Variants in COL4A3 observed in about 807,000 individuals in gnomAD.
COL4A3 encodes the protein collagen type IV alpha 3 chain, also known as collagen alpha-3(IV) chain.
COL4A3 carries 135 observed loss-of-function variants against 217.4 expected under a neutral mutation model. The ratio of observed to expected loss-of-function variants is 0.62; its 90% CI spans 0.54 to 0.72. The LOEUF (loss-of-function observed/expected upper bound fraction) is 0.72. COL4A3 is among the 30% of genes least tolerant of loss of function. The pLI, the probability that COL4A3 is intolerant of heterozygous loss-of-function variation, is 0.00. For synonymous variants in COL4A3, 690 were observed against 736.3 expected, an observed-to-expected ratio of 0.94 and a Z score of 1.02; for missense variants, 1,868 against 2,119.9, an observed-to-expected ratio of 0.88 and a Z score of 2.33.
intron 1 of COL4A3, among the ~76,000 whole-genome samples, chr2:227,214,777 T>C (rs1257811304): frequency 6.6e-6 from 1 of 152,260 alleles, no homozygotes; most frequent in Non-Finnish European, 1.5e-5. Flanking sequence ...TGTGGTCAGC[T>C]GGATATTGTT....
intron 1 of COL4A3, among the ~76,000 whole-genome samples, chr2:227,232,204 C>T (rs181779212): frequency 4.6e-5 from 7 of 152,298 alleles, no homozygotes; most frequent in Admixed American, 3.3e-4. Flanking sequence ...TTTATCCATT[C>T]GTCTGTTGAT....
intron 1 of COL4A3, among the ~76,000 whole-genome samples, chr2:227,183,613 G>C (rs1298451227): frequency 2.0e-5 from 3 of 152,186 alleles, no homozygotes; most frequent in Admixed American, 6.5e-5. Flanking sequence ...AAACCAAGAT[G>C]AGATAGTATG....
chr2:227,256,597 A>G (rs771276053), intron 17 of COL4A3: 5 of 745,682 alleles, frequency 6.7e-6, no homozygotes, highest in Admixed American at 1.7e-5. Flanking sequence ...AAAGGTATTA[A>G]ACTTGTACTG....
intron 3 of COL4A3, among the ~76,000 whole-genome samples, chr2:227,243,392 A>G (rs1396220658): frequency 6.6e-6 from 1 of 152,230 alleles, no homozygotes; most frequent in Non-Finnish European, 1.5e-5. Context: ...TTAATTTTAA[A>G]TGTTTTCTGC....
intron 1 of COL4A3, among the ~76,000 whole-genome samples, chr2:227,214,679 GA>G (rs1172100539): frequency 2.6e-5 from 4 of 152,202 alleles, no homozygotes; most frequent in Non-Finnish European, 5.9e-5. Flanking sequence ...TGTCCATTGT[GA>G]ATTATAGGCA....
intron 1 of COL4A3, among the ~76,000 whole-genome samples, chr2:227,180,729 A>G (rs144429693): frequency 1.3e-5 from 2 of 152,302 alleles, no homozygotes; most frequent in East Asian, 1.9e-4. Context: ...AAACAATACA[A>G]TCGCACATTT....
chr2:227,257,266 T>C (rs1375877917), intron 17 of COL4A3, among the ~76,000 whole-genome samples: 1 of 152,134 alleles, frequency 6.6e-6, no homozygotes, highest in Non-Finnish European at 1.5e-5. Flanking sequence ...TGGAAATGCA[T>C]ACACCCCACA....
intron 1 of COL4A3, among the ~76,000 whole-genome samples, chr2:227,212,154 T>C: frequency 1.4e-5 from 2 of 139,972 alleles, no homozygotes; most frequent in African/African-American, 5.7e-5. Context: ...TCTTTTCTGT[T>C]TTTTTTGTTT....
Position 227,289,133 on chromosome 2 carries a change from C to T in COL4A3, c.2882-17C>T, listed in dbSNP as rs754325864. The T allele has an allele frequency of 2.5e-6, 4 of 1,605,388 alleles. 1 individual carries two copies. Among genetic ancestry groups the T allele is most frequent in the Non-Finnish European group, 3.4e-6 (4 of 1,174,038 alleles). On this transcript the variant is annotated splice_polypyrimidine_tract_variant and intron_variant, in intron 34 of 51. Coordinates refer to ENST00000396578, the MANE Select transcript of COL4A3 (RefSeq NM_000091.5). ...ACCTGGCTAATTTTCTTGTTAATAC[C>T]TGGTTTCTAACTTCAGGATTCGCAG...
At chr2:227,299,559 A>G (rs528172553) in intron 43 of COL4A3, among the ~76,000 whole-genome samples, 1 of 152,316 alleles carries the variant, frequency 6.6e-6, no homozygotes, top group East Asian at 1.9e-4. Flanking sequence ...TTGGGTGGGG[A>G]CACAGCCAAA....
At chr2:227,229,212 C>T (rs2068257339) in intron 1 of COL4A3, among the ~76,000 whole-genome samples, 2 of 152,062 alleles carry the variant, frequency 1.3e-5, no homozygotes, top group African/African-American at 4.8e-5. Context: ...CCCAATTGAT[C>T]CGCACTCCTG....
chr2:227,222,470 C>T (rs56846714), intron 1 of COL4A3: 19,036 of 152,048 alleles, frequency 0.13, 1,380 homozygotes, highest in East Asian at 0.34. Context: ...TTCCTCTCCC[C>T]AACACTGTGA....
At chr2:227,172,948 A>AAACCTAATT (rs1203048583) in intron 1 of COL4A3, among the ~76,000 whole-genome samples, 1 of 152,152 alleles carries the variant, frequency 6.6e-6, no homozygotes, top group Non-Finnish European at 1.5e-5. Context: ...GACCTCATCT[A>AAACCTAATT]AACCTAATTA....
chr2:227,247,992 T>G (rs1322393907), intron 8 of COL4A3, among the ~76,000 whole-genome samples: 1 of 152,158 alleles, frequency 6.6e-6, no homozygotes, highest in Non-Finnish European at 1.5e-5. Flanking sequence ...CAGGCTGGAG[T>G]ACAGTGGCAC....
chr2:227,280,665 T>C, intron 30 of COL4A3, 75 bp downstream of exon 30: 1 of 1,511,016 alleles, frequency 6.6e-7, no homozygotes, highest in Non-Finnish European at 9.2e-7. Flanking sequence ...GTGAAGGTGT[T>C]CTAGGCATGA....
chr2:227,169,243 G>A (rs1466598896), intron 1 of COL4A3: 1 of 151,240 alleles, frequency 6.6e-6, no homozygotes, highest in Non-Finnish European at 1.5e-5. Context: ...TGGCTGCATA[G>A]TATTCCATGG....
intron 1 of COL4A3, among the ~76,000 whole-genome samples, chr2:227,202,746 AATATATATATAT>A (rs56134612): frequency 4.5e-5 from 1 of 22,218 alleles, no homozygotes; most frequent in African/African-American, 1.2e-4. Flanking sequence ...AAAAAAAAAA[AATATATATATAT>A]ATATATATAT....
rs916226337 is a variant in COL4A3, at chr2:227,254,673, A to T, written c.846A>T (p.Ser282=). ...TAATACAGGGACTGCCTGGAGAATC[A>T]TATGGATCTGAAAAGGGTGCTCCTG... ...PPGPSGLPGE[S]YGSEKGAPGD... The change falls in exon 15 of 52, where the codon TCA becomes TCT. Residue 282 remains serine (S), a synonymous_variant. Coordinates refer to ENST00000396578, the MANE Select transcript of COL4A3 (RefSeq NM_000091.5). The T allele has an allele frequency of 1.2e-6, 2 of 1,613,240 alleles. No homozygotes were observed. The highest frequency in any genetic ancestry group is 3.3e-5 in the Admixed American group (2 of 60,020).
chr2:227,193,385 G>A (rs1196718299), intron 1 of COL4A3, among the ~76,000 whole-genome samples: 1 of 152,146 alleles, frequency 6.6e-6, no homozygotes, highest in Non-Finnish European at 1.5e-5. Context: ...ACAATGGCAG[G>A]ATGTTTAAAT....
Sources: allele counts gnomAD v4.1 joint callset (sites outside exome capture counted in the v4.1 genomes callset), GRCh38; gene constraint gnomAD v4.1.1; transcripts MANE v1.5; gene names NCBI Gene and HGNC (gene_info 2026-07-23, HGNC 2026-07-21).